RAPGEF6: variants seen among roughly 807,000 people sequenced by gnomAD.
RAPGEF6 encodes PDZ domain containing guanine nucleotide exchange factor (GEF) 2.
RAPGEF6 carries 56 observed loss-of-function variants against 171.4 expected under a neutral mutation model. The observed-to-expected ratio is 0.33, with a 90% CI of 0.26 to 0.41. RAPGEF6 has a LOEUF of 0.41. Ranked by LOEUF, RAPGEF6 falls within the 10% of genes least tolerant of loss-of-function variation. The pLI is 1.00. For synonymous variants in RAPGEF6, 692 were observed against 650.1 expected (o/e 1.06, Z -0.98); for missense variants, 1,674 against 1,921.4 (o/e 0.87, Z 2.41).
At chr5:131,550,835 C>T (rs535103370) in intron 5 of RAPGEF6, among the ~76,000 whole-genome samples, 2 of 152,314 alleles carry the variant, frequency 1.3e-5, no homozygotes, top group South Asian at 4.1e-4. Flanking sequence ...TCCCTCTTTG[C>T]CAGCATATTG....
chr5:131,500,124 C>T (rs1017108250), intron 11 of RAPGEF6, among the ~76,000 whole-genome samples: 3 of 152,168 alleles, frequency 2.0e-5, no homozygotes, highest in Non-Finnish European at 4.4e-5. Context: ...GTCTCGAACT[C>T]TTGACCTCGT....
chr5:131,508,080 A>G lies in RAPGEF6; in HGVS notation c.933T>C (p.Asp311=). The change falls in exon 9 of 28, where the codon GAT becomes GAC. Residue 311 remains aspartate (D), a synonymous_variant. Coordinates refer to ENST00000509018, the MANE Select transcript of RAPGEF6 (RefSeq NM_016340.6). Reference sequence around the variant, plus strand: ...TTATTTATTGACCTACCTCTTGCCCATCTTCAAGAATAATAGCTCCAGCCT... The same window carrying G: ...TTATTTATTGACCTACCTCTTGCCCGTCTTCAAGAATAATAGCTCCAGCCT... The part of the protein sequence containing the change: ...VEQAGAIILE[D]GQELDSWYVI... 2.5e-6 allele frequency: 4 copies of G among 1,602,986 alleles called. No individual in the cohort carries two copies. Among genetic ancestry groups the G allele is most frequent in the South Asian group, 2.3e-5 (2 of 88,882 alleles).
chr5:131,453,439 A>G (rs1205398668), intron 20 of RAPGEF6, among the ~76,000 whole-genome samples: 1 of 152,148 alleles, frequency 6.6e-6, no homozygotes, highest in African/African-American at 2.4e-5. Context: ...AACCAGTTTC[A>G]TGGGCTCGGG....
At chr5:131,430,754 A>C in intron 26 of RAPGEF6, 105 bp downstream of exon 26, 3 of 1,425,070 alleles carry the variant, frequency 2.1e-6, no homozygotes, top group Non-Finnish European at 2.9e-6. Flanking sequence ...AAAGGTTGTT[A>C]GAGAATGAAT....
In RAPGEF6 at chr5:131,447,169, T is replaced by C. The variant is rs181907440; in HGVS notation, c.3201-466A>G. On this transcript the variant is annotated intron_variant, in intron 21 of 27. Transcript: ENST00000509018. ...TTTGGACATGCTATTGCCACTACCA[T>C]TATAGCAGGCCCACTGTGAGCATGT... The C allele has an allele frequency of 2.5e-4, 39 of 156,648 alleles. 1 individual carries two copies. In the East Asian group the frequency reaches 6.8e-3, roughly 27 times the overall value. The allele number at this position is 156,648 out of a possible 1,614,324, so 9.7% of individuals were successfully genotyped here.
intron 19 of RAPGEF6, among the ~76,000 whole-genome samples, chr5:131,456,656 A>G (rs571462563): frequency 6.6e-6 from 1 of 152,334 alleles, no homozygotes; most frequent in South Asian, 2.1e-4. Context: ...GTACCATCAC[A>G]TAGGTAGGTT....
intron 8 of RAPGEF6, among the ~76,000 whole-genome samples, chr5:131,509,351 G>A (rs1004766021): frequency 1.3e-5 from 2 of 152,080 alleles, no homozygotes; most frequent in African/African-American, 2.4e-5. Flanking sequence ...AGACCATCCT[G>A]GCTAACACGT....
intron 11 of RAPGEF6, among the ~76,000 whole-genome samples, chr5:131,500,909 G>GAAT (rs1199401994): frequency 1.2e-4 from 13 of 105,510 alleles, no homozygotes; most frequent in African/African-American, 4.8e-4. Context: ...ACTGAATGAA[G>GAAT]AAATGAATGA....
intron 19 of RAPGEF6, among the ~76,000 whole-genome samples, chr5:131,459,544 T>A (rs1406951676): frequency 2.0e-5 from 3 of 152,004 alleles, no homozygotes; most frequent in Admixed American, 2.0e-4. Context: ...TACATCTACA[T>A]AAAAATAAAA....
chr5:131,427,480 T>G (rs1751446822), intron 27 of RAPGEF6, among the ~76,000 whole-genome samples, 189 bp from the exon 28 acceptor site: 1 of 152,210 alleles, frequency 6.6e-6, no homozygotes, highest in Non-Finnish European at 1.5e-5. Context: ...AACTGGAATT[T>G]CATGGTTTTT....
chr5:131,576,996 C>T (rs1762642897), intron 4 of RAPGEF6, among the ~76,000 whole-genome samples: 1 of 152,132 alleles, frequency 6.6e-6, no homozygotes, highest in South Asian at 2.1e-4. Flanking sequence ...CGAGGATCTG[C>T]CCCCACACAA....
Position 131,603,323 on chromosome 5 carries a change from T to C in RAPGEF6, c.145A>G (p.Met49Val). ...SNLREHQLRL[M>V]SARARYERYS... ...CTCTCATAGCGTGCTCTTGCAGACA[T>C]TAATCTATTAAAAAAAAAAATTGAA... Residue 49 changes from methionine to valine, a missense_variant, in exon 3 of 28, where the codon ATG (methionine) becomes GTG (valine). By Grantham distance (21) the Met-to-Val change is conservative. Around this residue, in one of 3 missense-constraint regions of RAPGEF6, gnomAD observed 1,116 missense variants for 1,321.5 expected, o/e 0.84. Transcript: ENST00000509018. 1 of 1,545,348 alleles carries C rather than the reference T, an allele frequency of 6.5e-7. No homozygotes were observed. Among genetic ancestry groups the C allele is most frequent in the Non-Finnish European group, 8.7e-7 (1 of 1,150,334 alleles).
chr5:131,518,226 G>T (rs1025093473), intron 7 of RAPGEF6, among the ~76,000 whole-genome samples: 1 of 151,468 alleles, frequency 6.6e-6, no homozygotes, highest in Non-Finnish European at 1.5e-5. Flanking sequence ...TGATATATAA[G>T]ATTTTATACA....
chr5:131,606,009 G>A (rs926336983), intron 1 of RAPGEF6, among the ~76,000 whole-genome samples: 3 of 119,802 alleles, frequency 2.5e-5, no homozygotes, highest in African/African-American at 6.7e-5. Flanking sequence ...TAGCCTGGGT[G>A]ACAGAGTGAG....
At chr5:131,618,141 A>G (rs1765385392) in intron 1 of RAPGEF6, among the ~76,000 whole-genome samples, 1 of 152,208 alleles carries the variant, frequency 6.6e-6, no homozygotes, top group Admixed American at 6.5e-5. Context: ...GGTCACATCA[A>G]AAGGACATAG....
chr5:131,465,308 AC>A lies in RAPGEF6; in HGVS notation c.2240-1028del, dbSNP rs543288128. Among the ~76,000 whole-genome samples the A allele has an allele frequency of 4.6e-4, 70 of 151,736 alleles. 1 individual carries two copies. Among genetic ancestry groups the A allele is most frequent in the Non-Finnish European group, 9.0e-4 (61 of 67,920 alleles). On this transcript the variant is annotated intron_variant, in intron 17 of 27. Transcript: ENST00000509018. ...AAGCACATGTAAATAATAATATTCC[AC>A]CCCCCCTTGTTCTATCTTATTTCTT...
At chr5:131,527,680 T>C (rs1211258452) in intron 6 of RAPGEF6, among the ~76,000 whole-genome samples, 2 of 151,994 alleles carry the variant, frequency 1.3e-5, no homozygotes, top group Admixed American at 6.6e-5. Flanking sequence ...CACAAGACAA[T>C]GGAGGCCTTA....
At chr5:131,453,830 G>A (rs1340067069) in intron 20 of RAPGEF6, among the ~76,000 whole-genome samples, 2 of 152,158 alleles carry the variant, frequency 1.3e-5, no homozygotes, top group African/African-American at 4.8e-5. Context: ...TGGAAACAAA[G>A]TAATCATGAC....
rs1162266407 is a variant in RAPGEF6 at position 131,433,644 on chromosome 5, G to A, written c.3760C>T (p.Pro1254Ser). The part of the protein sequence containing the change: ...GSPHKGYTLI[P>S]SAKSDNLSDS... Reference sequence around the variant, plus strand: ...GACAAGTTGTCAGATTTAGCTGATGGAATAAGTGTGTAACCTGAACAAGAA... The same window carrying A: ...GACAAGTTGTCAGATTTAGCTGATGAAATAAGTGTGTAACCTGAACAAGAA... The change falls in exon 25 of 28, where the codon CCA becomes TCA. Residue 1254 changes from proline to serine, a missense_variant. Physicochemically the swap from Pro to Ser is moderately conservative, Grantham distance 74. Coordinates refer to ENST00000509018, the MANE Select transcript of RAPGEF6 (RefSeq NM_016340.6). 1 of 1,606,500 alleles carries A rather than the reference G, an allele frequency of 6.2e-7. No homozygotes were observed.
Sources: allele counts gnomAD v4.1 joint callset (sites outside exome capture counted in the v4.1 genomes callset), GRCh38; gene constraint gnomAD v4.1.1; regional missense constraint gnomAD v4.1.1; transcripts MANE v1.5; gene names NCBI Gene and HGNC (gene_info 2026-07-23, HGNC 2026-07-21).